The following SUGCT variants were observed in gnomAD, a reference collection of about 807,000 sequenced individuals.
The protein encoded by SUGCT is succinyl-CoA:glutarate-CoA transferase, also known as succinyl-CoA:glutarate CoA-transferase.
In SUGCT, 41 loss-of-function variants were observed where a neutral mutation model predicts 55.0. The ratio of observed to expected loss-of-function variants is 0.74; its 90% CI spans 0.58 to 0.97. SUGCT has a LOEUF of 0.97. Among genes scored for constraint, SUGCT ranks in the 50% least tolerant of loss-of-function variants. The pLI, the probability that SUGCT is intolerant of heterozygous loss-of-function variation, is 0.00. For missense variants in SUGCT, 568 were observed against 547.8 expected (o/e 1.04, Z -0.37); for synonymous variants, 187 against 200.4 (o/e 0.93, Z 0.56).
intron 6 of SUGCT, among the ~76,000 whole-genome samples, chr7:40,227,024 A>G (rs2150844546): frequency 6.7e-6 from 1 of 149,744 alleles, no homozygotes; most frequent in East Asian, 2.0e-4. Context: ...CCTAAAGTAG[A>G]GAGAATAGTT....
chr7:40,218,386 T>C (rs1006369537), intron 6 of SUGCT, among the ~76,000 whole-genome samples: 1 of 152,098 alleles, frequency 6.6e-6, no homozygotes, highest in Non-Finnish European at 1.5e-5. Flanking sequence ...GGGGGAAAAG[T>C]GTTGTAACTG....
At chr7:40,367,450 G>A (rs1784053032) in intron 9 of SUGCT, among the ~76,000 whole-genome samples, 1 of 148,438 alleles carries the variant, frequency 6.7e-6, no homozygotes. Context: ...AAATTACCCA[G>A]AAAAAAAAAA....
At chr7:40,588,347 A>G (rs1270767261) in intron 12 of SUGCT, among the ~76,000 whole-genome samples, 1 of 152,008 alleles carries the variant, frequency 6.6e-6, no homozygotes, top group Non-Finnish European at 1.5e-5. Flanking sequence ...AACTTCCTGA[A>G]GGTCTTATAT....
intron 3 of SUGCT, among the ~76,000 whole-genome samples, chr7:40,187,012 A>G (rs1332600691): frequency 6.6e-6 from 1 of 152,240 alleles, no homozygotes; most frequent in African/African-American, 2.4e-5. Flanking sequence ...ACTGTTCACA[A>G]TAGCAAAGAC....
chr7:40,137,759 C>T (rs1787772734), intron 1 of SUGCT, among the ~76,000 whole-genome samples: 1 of 152,130 alleles, frequency 6.6e-6, no homozygotes, highest in African/African-American at 2.4e-5. Context: ...CAGTTCACTG[C>T]AACCTCTGCC....
At chr7:40,372,362 G>A (rs183313456) in intron 9 of SUGCT, among the ~76,000 whole-genome samples, 4 of 152,032 alleles carry the variant, frequency 2.6e-5, no homozygotes, top group East Asian at 1.9e-4. Flanking sequence ...TGCAATCGAC[G>A]AATGAAACTA....
At chr7:40,994,262 A>G in the SUGCT span, among the ~76,000 whole-genome samples, 1 of 152,192 alleles carries the variant, frequency 6.6e-6, no homozygotes, top group Admixed American at 6.5e-5. Context: ...CCCTAATCTA[A>G]TAAAGCACAT....
intron 9 of SUGCT, among the ~76,000 whole-genome samples, chr7:40,367,777 T>C (rs1055270321): frequency 6.6e-6 from 1 of 152,172 alleles, no homozygotes; most frequent in African/African-American, 2.4e-5. Flanking sequence ...TATTGCAGAC[T>C]CTCATTCTTG....
At chr7:40,839,609 C>A (rs879304191) in intron 13 of SUGCT, among the ~76,000 whole-genome samples, 1 of 152,012 alleles carries the variant, frequency 6.6e-6, no homozygotes, top group Non-Finnish European at 1.5e-5. Flanking sequence ...GTTCAACTTA[C>A]CTATTTTAAT....
chr7:40,428,930 TC>T (rs1787744716), intron 9 of SUGCT, among the ~76,000 whole-genome samples: 1 of 152,194 alleles, frequency 6.6e-6, no homozygotes, highest in Admixed American at 6.5e-5. Flanking sequence ...GTAACGCAGG[TC>T]TAGTAGTAAA....
At chr7:40,163,685 A>G (rs1584229611) in intron 1 of SUGCT, among the ~76,000 whole-genome samples, 1 of 152,174 alleles carries the variant, frequency 6.6e-6, no homozygotes, top group South Asian at 2.1e-4. Context: ...GCATCTGTGT[A>G]TGCAGCCACC....
chr7:40,553,254 G>A (rs1795393006), intron 12 of SUGCT, among the ~76,000 whole-genome samples: 2 of 152,132 alleles, frequency 1.3e-5, no homozygotes, highest in South Asian at 2.1e-4. Context: ...TGAGGTATGG[G>A]TGCAAATTAG....
chr7:40,236,047 A>G (rs1788989283), intron 6 of SUGCT, among the ~76,000 whole-genome samples: 1 of 151,884 alleles, frequency 6.6e-6, no homozygotes, highest in Non-Finnish European at 1.5e-5. Context: ...TACAACCTTT[A>G]TTTATTTTTA....
the SUGCT span, among the ~76,000 whole-genome samples, chr7:40,925,902 T>C: frequency 6.6e-6 from 1 of 152,082 alleles, no homozygotes; most frequent in Non-Finnish European, 1.5e-5. Flanking sequence ...GAGACCAGCC[T>C]GGGCAACATG....
chr7:40,485,539 C>T (rs556067226), intron 11 of SUGCT, among the ~76,000 whole-genome samples: 1 of 150,634 alleles, frequency 6.6e-6, no homozygotes, highest in East Asian at 2.0e-4. Flanking sequence ...GGTGCTCTCA[C>T]CTCAGCCTTC....
chr7:40,399,612 C>T (rs773538880), intron 9 of SUGCT, among the ~76,000 whole-genome samples: 3 of 152,170 alleles, frequency 2.0e-5, no homozygotes, highest in Non-Finnish European at 4.4e-5. Flanking sequence ...AATTGTTTCT[C>T]CTTGGGTCTT....
At chr7:40,227,731 C>T in intron 6 of SUGCT, among the ~76,000 whole-genome samples, 1 of 151,844 alleles carries the variant, frequency 6.6e-6, no homozygotes, top group East Asian at 1.9e-4. Flanking sequence ...GGAAAGGACT[C>T]TTTTTTTAAC....
chr7:40,397,157 T>C (rs770046886), intron 9 of SUGCT, among the ~76,000 whole-genome samples: 8 of 152,160 alleles, frequency 5.3e-5, no homozygotes, highest in Non-Finnish European at 1.0e-4. Flanking sequence ...AGGACACTTC[T>C]GTGATGTGTA....
the SUGCT span, among the ~76,000 whole-genome samples, chr7:40,941,997 G>A: frequency 4.7e-4 from 72 of 152,048 alleles, no homozygotes; most frequent in Middle Eastern, 6.8e-3. Context: ...AAGATATTTC[G>A]TTTGTGAGTT....
Sources: allele counts gnomAD v4.1 joint callset (sites outside exome capture counted in the v4.1 genomes callset), GRCh38; gene constraint gnomAD v4.1.1; transcripts MANE v1.5; gene names NCBI Gene and HGNC (gene_info 2026-07-23, HGNC 2026-07-21).